Variants in PTPRN2 observed in about 807,000 individuals in gnomAD.
PTPRN2 encodes the protein protein tyrosine phosphatase receptor type N2.
Under a neutral mutation model 118.8 loss-of-function variants are expected in PTPRN2, and 74 were observed. The ratio of observed to expected loss-of-function variants is 0.62; its 90% CI spans 0.52 to 0.76. The LOEUF (loss-of-function observed/expected upper bound fraction) is 0.76, where lower values mean the gene tolerates loss of function less well. Ranked by LOEUF, PTPRN2 falls within the 30% of genes least tolerant of loss-of-function variation. The pLI is 0.00. For missense variants in PTPRN2, 1,481 were observed against 1,394.4 expected (o/e 1.06, Z -0.99); for synonymous variants, 641 against 608.0 (o/e 1.05, Z -0.80).
chr7:157,837,024 A>G (rs1584825209), intron 12 of PTPRN2, among the ~76,000 whole-genome samples: 1 of 53,668 alleles, frequency 1.9e-5, no homozygotes, highest in African/African-American at 7.8e-5. Flanking sequence ...TCCACCCACC[A>G]CCACCTGTCC....
At chr7:158,451,849 G>C (rs1054943081) in intron 2 of PTPRN2, among the ~76,000 whole-genome samples, 1 of 151,956 alleles carries the variant, frequency 6.6e-6, no homozygotes, top group Admixed American at 6.6e-5. Flanking sequence ...TAATTCCATC[G>C]CAAAATTATT....
intron 12 of PTPRN2, among the ~76,000 whole-genome samples, chr7:157,772,408 C>G (rs1802933619): frequency 6.6e-6 from 1 of 152,134 alleles, no homozygotes; most frequent in Admixed American, 6.5e-5. Flanking sequence ...CAGAGACACA[C>G]ATAGACACAA....
chr7:158,533,971 C>T (rs1825445848), intron 1 of PTPRN2, among the ~76,000 whole-genome samples: 1 of 152,222 alleles, frequency 6.6e-6, no homozygotes, highest in Non-Finnish European at 1.5e-5. Context: ...GGGCTACCCT[C>T]CCTGGGCCTC....
intron 4 of PTPRN2, among the ~76,000 whole-genome samples, chr7:158,204,382 T>TTA (rs1425925497): frequency 6.6e-6 from 1 of 152,240 alleles, no homozygotes. Context: ...GCCAGGACAC[T>TTA]TAACTGCTTT....
In PTPRN2 at chr7:158,273,530, G is replaced by T. The variant is rs1310468114; in HGVS notation, c.277+43289C>A. Among the ~76,000 whole-genome samples the T allele has an allele frequency of 6.0e-4, 47 of 78,874 alleles. 4 individuals carry two copies. Among genetic ancestry groups the T allele is most frequent in the Middle Eastern group, 8.6e-3 (1 of 116 alleles). 51.7% of individuals were successfully genotyped at this position (78,874 alleles called of 152,430 possible). On this transcript the variant is annotated intron_variant, in intron 3 of 22. Coordinates refer to ENST00000389418, the MANE Select transcript of PTPRN2 (RefSeq NM_002847.5). The stretch of plus-strand genomic sequence containing the variant: ...GCCGCAGACAGACATGGGAGGAGCC[G>T]CAGACACGGGGAGCCGCAGACACAG...
chr7:158,039,902 C>T (rs1449191282), intron 11 of PTPRN2, among the ~76,000 whole-genome samples: 1 of 152,030 alleles, frequency 6.6e-6, no homozygotes, highest in African/African-American at 2.4e-5. Flanking sequence ...GATTTGAGAG[C>T]TGGAAACTCT....
At chr7:158,337,128 G>T (rs80123851) in intron 2 of PTPRN2, among the ~76,000 whole-genome samples, 2,055 of 54,476 alleles carry the variant, frequency 0.038, no homozygotes, top group South Asian at 0.088. Context: ...GCCCACAGAG[G>T]TCACTTACAG....
chr7:158,265,425 C>A (rs1383363662), intron 3 of PTPRN2, among the ~76,000 whole-genome samples: 1 of 150,284 alleles, frequency 6.7e-6, no homozygotes, highest in Non-Finnish European at 1.5e-5. Flanking sequence ...TGGGCACACA[C>A]CTGTGGGCAC....
At chr7:157,744,019 C>T (rs552914765) in intron 12 of PTPRN2, among the ~76,000 whole-genome samples, 8 of 152,326 alleles carry the variant, frequency 5.3e-5, no homozygotes, top group South Asian at 2.1e-4. Flanking sequence ...AGACGTGCTC[C>T]GGGGCACGAC....
intron 11 of PTPRN2, among the ~76,000 whole-genome samples, chr7:157,969,399 T>G (rs1329818783): frequency 6.6e-6 from 1 of 152,188 alleles, no homozygotes. Flanking sequence ...CATGAGCCAC[T>G]GTGCCTGGCT....
intron 11 of PTPRN2, among the ~76,000 whole-genome samples, chr7:158,012,686 C>T (rs1286562704): frequency 2.0e-5 from 3 of 152,174 alleles, no homozygotes; most frequent in Non-Finnish European, 4.4e-5. Flanking sequence ...TCCTTTCTCC[C>T]CTCTTGAAAT....
chr7:158,140,055 A>C (rs79783643), intron 6 of PTPRN2, among the ~76,000 whole-genome samples: 3,033 of 152,276 alleles, frequency 0.02, 111 homozygotes, highest in African/African-American at 0.069. Flanking sequence ...GAAAGGGTAA[A>C]TATGTGGTTA....
intron 6 of PTPRN2, among the ~76,000 whole-genome samples, chr7:158,149,512 A>G (rs1022080105): frequency 2.0e-5 from 3 of 152,140 alleles, no homozygotes; most frequent in Non-Finnish European, 4.4e-5. Context: ...ATTTTTAAAA[A>G]GATAAGCCCG....
chr7:157,544,860 TGTGTGTGGATGTGCATC>T (rs1798200751), intron 22 of PTPRN2, among the ~76,000 whole-genome samples: 2 of 151,668 alleles, frequency 1.3e-5, no homozygotes, highest in Non-Finnish European at 2.9e-5. Context: ...TGCATGCAGC[TGTGTGTGGATGTGCATC>T]GTGTGTGGGT....
At chr7:157,703,664 T>C (rs1184786698) in intron 12 of PTPRN2, among the ~76,000 whole-genome samples, 1 of 151,902 alleles carries the variant, frequency 6.6e-6, no homozygotes, top group Admixed American at 6.6e-5. Context: ...CTGCAGGAGG[T>C]GAAAGGCAAG....
intron 2 of PTPRN2, among the ~76,000 whole-genome samples, chr7:158,471,710 A>C (rs989118423): frequency 1.7e-5 from 2 of 118,806 alleles, no homozygotes; most frequent in Non-Finnish European, 3.8e-5. Context: ...ACAAACAAAC[A>C]AAAAAAAAAC....
intron 3 of PTPRN2, among the ~76,000 whole-genome samples, chr7:158,294,040 T>C (rs1800297188): frequency 1.3e-5 from 2 of 152,246 alleles, no homozygotes; most frequent in Admixed American, 1.3e-4. Context: ...ACATGTACCG[T>C]GCACAGCTAG....
intron 3 of PTPRN2, among the ~76,000 whole-genome samples, chr7:158,306,261 T>G (rs1202758731): frequency 6.6e-6 from 1 of 152,174 alleles, no homozygotes; most frequent in Non-Finnish European, 1.5e-5. Flanking sequence ...CACAGGTGCT[T>G]TGCAAAGCTC....
chr7:158,269,441 G>A (rs1798147164), intron 3 of PTPRN2, among the ~76,000 whole-genome samples: 1 of 152,194 alleles, frequency 6.6e-6, no homozygotes, highest in South Asian at 2.1e-4. Flanking sequence ...CAGTCCCCGG[G>A]GCATACCTGC....
Sources: allele counts gnomAD v4.1 joint callset (sites outside exome capture counted in the v4.1 genomes callset), GRCh38; gene constraint gnomAD v4.1.1; transcripts MANE v1.5; gene names NCBI Gene and HGNC (gene_info 2026-07-23, HGNC 2026-07-21).